SCUBE1: variants seen among roughly 807,000 people sequenced by gnomAD.
SCUBE1 encodes signal peptide, CUB domain and EGF like domain containing 1, also known as signal peptide, CUB and EGF-like domain-containing protein 1.
In SCUBE1, 59 loss-of-function variants were observed where a neutral mutation model predicts 124.4. The observed-to-expected ratio is 0.47, with a 90% CI of 0.38 to 0.59. SCUBE1 has a LOEUF of 0.59. SCUBE1 is among the 20% of genes least tolerant of loss of function. The probability of loss-of-function intolerance (pLI) is 0.00; values close to 1 mark genes in which losing one functional copy is unlikely to be tolerated. For missense variants in SCUBE1, 1,150 were observed against 1,371.2 expected, an observed-to-expected ratio of 0.84 and a Z score of 2.55; for synonymous variants, 545 against 550.9, an observed-to-expected ratio of 0.99 and a Z score of 0.15.
At chr22:43,236,223 T>A (rs1922756023) in intron 7 of SCUBE1, among the ~76,000 whole-genome samples, 1 of 152,142 alleles carries the variant, frequency 6.6e-6, no homozygotes, top group African/African-American at 2.4e-5. Context: ...TGCCTGTGCC[T>A]CTCCAGCCAG....
chr22:43,262,577 C>A, intron 5 of SCUBE1, 143 bp downstream of exon 5: 1 of 934,402 alleles, frequency 1.1e-6, no homozygotes, highest in Non-Finnish European at 1.6e-6. Flanking sequence ...CTATCAGGCC[C>A]CTTCCACAGG....
chr22:43,236,628 A>T (rs1922773921), intron 7 of SCUBE1, among the ~76,000 whole-genome samples: 1 of 152,120 alleles, frequency 6.6e-6, no homozygotes, highest in Non-Finnish European at 1.5e-5. Flanking sequence ...CAGGTCCTTG[A>T]ACCCACAGGC....
At chr22:43,237,108 G>A (rs1219544186) in intron 7 of SCUBE1, among the ~76,000 whole-genome samples, 1 of 150,950 alleles carries the variant, frequency 6.6e-6, no homozygotes, top group African/African-American at 2.5e-5. Context: ...GTGGTGGGGT[G>A]GGGGGGGTTG....
chr22:43,280,337 C>G (rs1291173368), intron 4 of SCUBE1, among the ~76,000 whole-genome samples: 1 of 151,948 alleles, frequency 6.6e-6, no homozygotes, highest in Middle Eastern at 3.2e-3. Context: ...CCGGGGCAGA[C>G]AGAGGGCTCT....
In SCUBE1 at chr22:43,248,411, C is replaced by T. The variant is rs117587069; in HGVS notation, c.728-9457G>A. On this transcript the variant is annotated intron_variant, in intron 6 of 21. Coordinates refer to ENST00000360835, the MANE Select transcript of SCUBE1 (RefSeq NM_173050.5). ...CTCTACTAAGCCCTGCCTGGCACTG[C>T]GACTCCACCCACACTCCAGCCCTCC... Among the ~76,000 whole-genome samples, 471 of 152,322 alleles carry T rather than the reference C, an allele frequency of 3.1e-3. 4 individuals carry two copies. The highest frequency in any genetic ancestry group is 0.017 in the East Asian group (87 of 5,176).
At chr22:43,239,202 G>A (rs144615647) in intron 6 of SCUBE1, among the ~76,000 whole-genome samples, 130 of 152,346 alleles carry the variant, frequency 8.5e-4, no homozygotes, top group Admixed American at 1.7e-3. Flanking sequence ...TGAGTACACC[G>A]CAAACTGCAG....
rs559175283 is a variant in SCUBE1 at position 43,291,996 on chromosome 22, C to G, written c.350-816G>C. Among the ~76,000 whole-genome samples the G allele has an allele frequency of 1.4e-4, 22 of 152,234 alleles. No homozygotes were observed. The East Asian group carries it at 1.9e-3, about 13-fold the overall frequency. ...CTCTCAGTGACGTCGCCAGACCCCC[C>G]ACTCTAGGAAGACACAGCAGCCTGC... On this transcript the variant is annotated intron_variant, in intron 3 of 21. Coordinates refer to ENST00000360835, the MANE Select transcript of SCUBE1 (RefSeq NM_173050.5).
At chr22:43,224,892 C>T (rs1379022056) in intron 10 of SCUBE1, among the ~76,000 whole-genome samples, 1 of 152,210 alleles carries the variant, frequency 6.6e-6, no homozygotes, top group Non-Finnish European at 1.5e-5. Context: ...ATTATCCTAA[C>T]TTGTGCTTGT....
intron 1 of SCUBE1, among the ~76,000 whole-genome samples, chr22:43,342,918 G>T (rs895046964): frequency 9.8e-4 from 149 of 151,666 alleles, no homozygotes; most frequent in African/African-American, 3.3e-3. Flanking sequence ...CCTCGCTCCC[G>T]CGCTCGCGCT....
intron 16 of SCUBE1, among the ~76,000 whole-genome samples, chr22:43,213,880 C>A (rs1921681667): frequency 6.6e-6 from 1 of 152,192 alleles, no homozygotes; most frequent in Non-Finnish European, 1.5e-5. Context: ...CAGGCCGGGA[C>A]TGCTGACGCT....
chr22:43,265,112 T>A (rs893672173), intron 4 of SCUBE1, among the ~76,000 whole-genome samples: 1 of 152,220 alleles, frequency 6.6e-6, no homozygotes, highest in Admixed American at 6.5e-5. Context: ...GCCTTGCTAA[T>A]CATCACCAAC....
rs76854453 is a variant in SCUBE1, at chr22:43,329,429, G to A, written c.221-9364C>T. Among the ~76,000 whole-genome samples the A allele has an allele frequency of 4.6e-5, 7 of 152,392 alleles. No individual in the cohort carries two copies. The East Asian group carries it at 1.2e-3, about 25-fold the overall frequency. On this transcript the variant is annotated intron_variant, in intron 2 of 21. Coordinates refer to ENST00000360835, the MANE Select transcript of SCUBE1 (RefSeq NM_173050.5). Reference sequence around the variant, plus strand: ...TCTCCTGCCCCTGCTGAACTCTGATGTCAGGATGCAAAGGCCGGAGAGGCC... The same window carrying A: ...TCTCCTGCCCCTGCTGAACTCTGATATCAGGATGCAAAGGCCGGAGAGGCC...
intron 15 of SCUBE1, among the ~76,000 whole-genome samples, chr22:43,215,146 G>C (rs996638186): frequency 3.3e-5 from 5 of 152,218 alleles, no homozygotes; most frequent in African/African-American, 1.2e-4. Flanking sequence ...GGGGTCCTTG[G>C]GGATTTGGCT....
intron 3 of SCUBE1, among the ~76,000 whole-genome samples, chr22:43,292,172 T>A (rs1228082012): frequency 6.6e-6 from 1 of 152,106 alleles, no homozygotes; most frequent in African/African-American, 2.4e-5. Flanking sequence ...GCAACTGATT[T>A]CAAAAACTCC....
At chr22:43,294,808 G>A (rs550000697) in intron 3 of SCUBE1, among the ~76,000 whole-genome samples, 30 of 152,316 alleles carry the variant, frequency 2.0e-4, no homozygotes, top group East Asian at 3.9e-4. Context: ...GGCCCCGTGT[G>A]AGAATCCCAG....
intron 4 of SCUBE1, among the ~76,000 whole-genome samples, chr22:43,273,381 C>G (rs1232969373): frequency 6.6e-6 from 1 of 152,062 alleles, no homozygotes; most frequent in Non-Finnish European, 1.5e-5. Context: ...CTGTCTCTGA[C>G]AGTTGGGAGG....
At chr22:43,229,209 A>AAAGTTGGGGGAGG in intron 8 of SCUBE1, 21 bp from the exon 9 acceptor site, 2 of 1,541,264 alleles carry the variant, frequency 1.3e-6, no homozygotes, top group Non-Finnish European at 1.8e-6. Flanking sequence ...ACAGGGAGAC[A>AAAGTTGGGGGAGG]AAGTTGGGGG....
At chr22:43,319,604 A>T (rs183892583) in intron 3 of SCUBE1, among the ~76,000 whole-genome samples, 2 of 151,112 alleles carry the variant, frequency 1.3e-5, no homozygotes, top group Non-Finnish European at 3.0e-5. Context: ...GGACACAGAG[A>T]GACACTAGAC....
chr22:43,280,394 CCCG>C (rs1924724504), intron 4 of SCUBE1, among the ~76,000 whole-genome samples: 1 of 125,844 alleles, frequency 7.9e-6, no homozygotes, highest in African/African-American at 3.4e-5. Flanking sequence ...TCACCCATCC[CCCG>C]TCCCTTCCCC....
Sources: allele counts gnomAD v4.1 joint callset (sites outside exome capture counted in the v4.1 genomes callset), GRCh38; gene constraint gnomAD v4.1.1; transcripts MANE v1.5; gene names NCBI Gene and HGNC (gene_info 2026-07-23, HGNC 2026-07-21).